IL1RAPL1: variants seen among roughly 807,000 people sequenced by gnomAD.
IL1RAPL1 encodes the protein interleukin-1 receptor accessory protein-like 1.
IL1RAPL1 carries 3 observed loss-of-function variants against 48.4 expected under a neutral mutation model. The observed-to-expected ratio is 0.06, with a 90% CI of 0.03 to 0.16. IL1RAPL1 has a LOEUF of 0.16. Among genes scored for constraint, IL1RAPL1 ranks in the 10% least tolerant of loss-of-function variants. The pLI is 1.00. For synonymous variants in IL1RAPL1, 185 were observed against 187.7 expected, an observed-to-expected ratio of 0.99 and a Z score of 0.12; for missense variants, 349 against 530.6, an observed-to-expected ratio of 0.66 and a Z score of 3.36.
At chrX:29,804,863 G>A (rs1451309335) in intron 6 of IL1RAPL1, among the ~76,000 whole-genome samples, 2 of 111,876 alleles carry the variant, frequency 1.8e-5, no homozygotes, top group South Asian at 3.8e-4. Flanking sequence ...ATCAGTGGTG[G>A]TCTCACCGAG....
At chrX:29,565,749 A>G (rs1016673186) in intron 5 of IL1RAPL1, among the ~76,000 whole-genome samples, 1 of 111,980 alleles carries the variant, frequency 8.9e-6, no homozygotes, top group Admixed American at 9.5e-5. Flanking sequence ...TAATACATGT[A>G]TATAAAAAGA....
chrX:29,676,605 CTCTAT>C (rs1449524541), intron 6 of IL1RAPL1, among the ~76,000 whole-genome samples: 1 of 111,474 alleles, frequency 9.0e-6, no homozygotes, highest in African/African-American at 3.3e-5. Context: ...AGAAAACTAT[CTCTAT>C]TCTTATTTAA....
intron 2 of IL1RAPL1, among the ~76,000 whole-genome samples, chrX:28,874,763 C>T (rs1922324452): frequency 8.9e-6 from 1 of 112,218 alleles, no homozygotes; most frequent in East Asian, 2.8e-4. Flanking sequence ...GGTTTCATTT[C>T]CAAGTTGGCA....
intron 2 of IL1RAPL1, among the ~76,000 whole-genome samples, chrX:29,279,042 G>A (rs1034032497): frequency 2.7e-5 from 3 of 112,187 alleles, no homozygotes; most frequent in African/African-American, 6.5e-5. Flanking sequence ...GAGGCAAACC[G>A]TTAACAAAGG....
At position 29,164,162 on chromosome X, in the gene IL1RAPL1, C is replaced by T. The variant is rs184873689; in HGVS notation, c.83-118776C>T. On this transcript the variant is annotated intron_variant, in intron 2 of 10. Transcript: ENST00000378993. ...GCTGTTTTCTGCTATTTAGCCACTT[C>T]TTCCTTTGTGACCTGACTTTGGACG... 4.6e-3 allele frequency among the ~76,000 whole-genome samples: 517 copies of T among 111,548 alleles called. 3 individuals carry two copies. The highest frequency in any genetic ancestry group is 8.1e-3 in the Non-Finnish European group (428 of 53,140).
At chrX:29,441,188 C>CATGTT (rs778514050) in intron 5 of IL1RAPL1, among the ~76,000 whole-genome samples, 2 of 111,363 alleles carry the variant, frequency 1.8e-5, no homozygotes, top group African/African-American at 3.3e-5. Flanking sequence ...GGAATATGTC[C>CATGTT]ATGTTACCCT....
At chrX:29,620,313 G>A (rs1454303477) in intron 5 of IL1RAPL1, among the ~76,000 whole-genome samples, 1 of 111,769 alleles carries the variant, frequency 8.9e-6, no homozygotes, top group Non-Finnish European at 1.9e-5. Flanking sequence ...ATCCTAGAGT[G>A]TACTTACACA....
intron 8 of IL1RAPL1, among the ~76,000 whole-genome samples, chrX:29,932,055 T>G (rs1307317285): frequency 1.8e-5 from 2 of 112,244 alleles, no homozygotes; most frequent in African/African-American, 6.5e-5. Flanking sequence ...CCTGAGGCCC[T>G]TTTTGTTTGT....
chrX:29,448,593 A>G (rs1934638748), intron 5 of IL1RAPL1, among the ~76,000 whole-genome samples: 1 of 112,325 alleles, frequency 8.9e-6, no homozygotes, highest in Non-Finnish European at 1.9e-5. Flanking sequence ...AAAATACGCA[A>G]TGGGTGGTTG....
intron 1 of IL1RAPL1, among the ~76,000 whole-genome samples, chrX:28,591,229 AAAGT>A (rs1470376471): frequency 8.9e-6 from 1 of 112,514 alleles, no homozygotes; most frequent in Non-Finnish European, 1.9e-5. Flanking sequence ...TTGCTTCAGC[AAAGT>A]AAGGAGATTT....
chrX:29,731,914 A>G (rs1285808882), intron 6 of IL1RAPL1, among the ~76,000 whole-genome samples: 1 of 112,457 alleles, frequency 8.9e-6, no homozygotes, highest in Non-Finnish European at 1.9e-5. Flanking sequence ...TGGAAGCAGG[A>G]CATAAATTCC....
intron 3 of IL1RAPL1, among the ~76,000 whole-genome samples, chrX:29,337,800 G>A (rs1227336641): frequency 9.1e-6 from 1 of 110,251 alleles, no homozygotes; most frequent in Non-Finnish European, 1.9e-5. Flanking sequence ...TCAGCTTCCT[G>A]AGTAGCTTGG....
chrX:29,188,821 G>A (rs753309265), intron 2 of IL1RAPL1, among the ~76,000 whole-genome samples: 4 of 110,746 alleles, frequency 3.6e-5, no homozygotes, highest in African/African-American at 9.8e-5. Context: ...TCCTAACCTC[G>A]TGATCTACCA....
At chrX:28,642,056 AG>A (rs1934550246) in intron 1 of IL1RAPL1, among the ~76,000 whole-genome samples, 1 of 111,747 alleles carries the variant, frequency 8.9e-6, no homozygotes, top group Admixed American at 9.5e-5. Flanking sequence ...AGATAAAAAA[AG>A]ACAAAGAAGG....
Position 29,335,317 on chromosome X carries a change from GA to G in IL1RAPL1, c.362+52101del, listed in dbSNP as rs1222923058. Among the ~76,000 whole-genome samples, 10 of 12,133 alleles carry G rather than the reference GA, an allele frequency of 8.2e-4. 5 individuals carry two copies. Among genetic ancestry groups the G allele is most frequent in the Admixed American group, 3.1e-3 (4 of 1,303 alleles). The allele number at this position is 12,133 out of a possible 115,157, so 10.5% of individuals were successfully genotyped here. ...AGGGGAGAGGGGAGAGGGGAGAGGG[GA>G]GAGGGGAGAGGGGAGAGGGGAGAGG... On this transcript the variant is annotated intron_variant, in intron 3 of 10. Transcript: ENST00000378993.
At chrX:29,575,857 A>T (rs765450461) in intron 5 of IL1RAPL1, among the ~76,000 whole-genome samples, 1 of 112,073 alleles carries the variant, frequency 8.9e-6, no homozygotes, top group Admixed American at 9.4e-5. Flanking sequence ...CTCTGAGGGT[A>T]TAGCTTCCAG....
chrX:29,201,888 T>A (rs1159084797), intron 2 of IL1RAPL1, among the ~76,000 whole-genome samples: 1 of 111,663 alleles, frequency 9.0e-6, no homozygotes, highest in Non-Finnish European at 1.9e-5. Context: ...AGAGACGGGA[T>A]TTCTCCATGT....
At chrX:29,077,819 T>C in intron 2 of IL1RAPL1, among the ~76,000 whole-genome samples, 1 of 110,924 alleles carries the variant, frequency 9.0e-6, no homozygotes, top group Non-Finnish European at 1.9e-5. Context: ...TTGAAGTGCC[T>C]GAGTTGAGAA....
At chrX:29,264,744 A>G (rs987906630) in intron 2 of IL1RAPL1, among the ~76,000 whole-genome samples, 5 of 110,821 alleles carry the variant, frequency 4.5e-5, no homozygotes, top group African/African-American at 1.6e-4. Flanking sequence ...ATTACTCTCT[A>G]TGTACCTGTT....
Sources: allele counts gnomAD v4.1 joint callset (sites outside exome capture counted in the v4.1 genomes callset), GRCh38; gene constraint gnomAD v4.1.1; transcripts MANE v1.5; gene names NCBI Gene and HGNC (gene_info 2026-07-23, HGNC 2026-07-21).